Variants in SORBS3 observed in about 807,000 individuals in gnomAD.
The protein encoded by SORBS3 is vinexin.
Under a neutral mutation model 98.0 loss-of-function variants are expected in SORBS3, and 69 were observed. The ratio of observed to expected loss-of-function variants is 0.70; its 90% confidence interval spans 0.58 to 0.86. SORBS3 has a LOEUF of 0.86. Among genes scored for constraint, SORBS3 ranks in the 40% least tolerant of loss-of-function variants. The pLI, the probability that SORBS3 is intolerant of heterozygous loss-of-function variation, is 0.00. For missense variants in SORBS3, 954 were observed against 908.5 expected, an observed-to-expected ratio of 1.05 and a Z score of -0.64; for synonymous variants, 394 against 355.4, an observed-to-expected ratio of 1.11 and a Z score of -1.22.
upstream of SORBS3, among the ~76,000 whole-genome samples, chr8:22,551,510 A>T (rs1032635372): frequency 6.6e-6 from 1 of 151,938 alleles, no homozygotes; most frequent in Non-Finnish European, 1.5e-5. This position sits in a 1 kb window ranked among gnomAD's most constrained non-coding sequence, Gnocchi z 5.8. Flanking sequence ...CACTCTGGAA[A>T]TGTCGCTGGA....
chr8:22,567,937 T>A (rs918908803), intron 16 of SORBS3, among the ~76,000 whole-genome samples: 1 of 150,894 alleles, frequency 6.6e-6, no homozygotes, highest in Non-Finnish European at 1.5e-5. Context: ...AACCTCCACC[T>A]CCCTGGTTCA....
chr8:22,571,308 T>A (rs1213312500), intron 18 of SORBS3, 87 bp downstream of exon 18: 1 of 755,492 alleles, frequency 1.3e-6, no homozygotes, highest in Non-Finnish European at 2.1e-6. Context: ...TTGGGACTCC[T>A]TCCCAGACAG....
intron 5 of SORBS3, among the ~76,000 whole-genome samples, chr8:22,560,077 A>G: frequency 6.6e-6 from 1 of 150,604 alleles, no homozygotes; most frequent in South Asian, 2.1e-4. Flanking sequence ...AAAAAAGAAG[A>G]GAGAGATTTT....
At chr8:22,561,133 C>T (rs947443804) in intron 5 of SORBS3, 2 of 523,338 alleles carry the variant, frequency 3.8e-6, no homozygotes, top group Admixed American at 7.3e-5. Context: ...CTCGCTTAGG[C>T]CCCAAGCCTG....
At position 22,564,493 on chromosome 8, in the gene SORBS3, C is replaced by T. The variant is rs1340777324; in HGVS notation, c.788C>T (p.Pro263Leu). The T allele has an allele frequency of 6.2e-7, 1 of 1,614,122 alleles. No homozygotes were observed. The highest frequency in any genetic ancestry group is 8.5e-7 in the Non-Finnish European group (1 of 1,180,018). The part of the protein sequence containing the change: ...QRPKKPLVDD[P>L]GEKPSQPIEV... ...CCCAAGAAACCGCTGGTGGACGACCCTGGTGAGAAGCCCTCCCAGCCCATT... is the reference window on the plus strand; with the variant it reads ...CCCAAGAAACCGCTGGTGGACGACCTTGGTGAGAAGCCCTCCCAGCCCATT... Residue 263 changes from proline to leucine, a missense_variant, in exon 10 of 21, where the codon CCT becomes CTT. Physicochemically the swap from Pro to Leu is moderately conservative, Grantham distance 98. Transcript: ENST00000240123.
chr8:22,554,945 G>T lies in SORBS3; in HGVS notation c.185G>T (p.Gly62Val). 6.2e-7 allele frequency: 1 copy of T among 1,613,736 alleles called. No individual in the cohort carries two copies. Among genetic ancestry groups the T allele is most frequent in the Non-Finnish European group, 8.5e-7 (1 of 1,179,956 alleles). The change falls in exon 3 of 21, where the codon GGC becomes GTC. Residue 62 changes from glycine (G) to valine (V), a missense_variant. Gly to Val is a moderately radical substitution (Grantham distance 109). Transcript: ENST00000240123. The surrounding 1 kb of genome is among the most constrained non-coding windows in gnomAD (Gnocchi z 6.5). ...GCGCCCAGGACTGTGTGCAATGGGG[G>T]CTACACACCAAGACGAGATGCTTCC... ...DPAPRTVCNG[G>V]YTPRRDASQH...
intron 5 of SORBS3, 139 bp downstream of exon 5, chr8:22,558,331 T>C: frequency 1.3e-6 from 1 of 783,454 alleles, no homozygotes; most frequent in Non-Finnish European, 2.2e-6. Flanking sequence ...TGAGTAGTCC[T>C]GAAAATAGGC....
At chr8:22,548,052 C>A (rs1288750073), upstream of SORBS3, among the ~76,000 whole-genome samples, 2 of 152,178 alleles carry the variant, frequency 1.3e-5, no homozygotes, top group Non-Finnish European at 2.9e-5. Flanking sequence ...TTCCATGCAC[C>A]CATCCTGGCT....
chr8:22,571,822 G>A lies in SORBS3; in HGVS notation c.1847+1G>A, dbSNP rs1013607048. ...ACACCTCTCAGATACACTGGACCCC[G>A]TGAGTACCATCTGAGGGCTCTTGAT... On this transcript the variant is annotated splice_donor_variant, in intron 19 of 20. Transcript: ENST00000240123. LOFTEE classifies it high-confidence loss of function. 1.2e-5 allele frequency: 19 copies of A among 1,601,634 alleles called. No individual in the cohort carries two copies. Among genetic ancestry groups the A allele is most frequent in the African/African-American group, 5.4e-5 (4 of 74,678 alleles).
chr8:22,554,651 G>T lies in SORBS3; in HGVS notation c.102+43G>T. 6.4e-7 allele frequency: 1 copy of T among 1,571,816 alleles called. No individual in the cohort carries two copies. The highest frequency in any genetic ancestry group is 8.6e-7 in the Non-Finnish European group (1 of 1,162,318). On this transcript the variant is annotated intron_variant, in intron 2 of 20. Transcript: ENST00000240123. This position sits in a 1 kb window ranked among gnomAD's most constrained non-coding sequence, Gnocchi z 6.5. Reference sequence around the variant, plus strand: ...GAGGAGGGTGTCCTGCGGGCCCGGAGTTGGTTGGGACGCTAGCAGGTCAGG... The same window carrying T: ...GAGGAGGGTGTCCTGCGGGCCCGGATTTGGTTGGGACGCTAGCAGGTCAGG...
intron 16 of SORBS3, 138 bp downstream of exon 16, chr8:22,567,313 C>G: frequency 1.6e-6 from 1 of 643,366 alleles, no homozygotes; most frequent in Non-Finnish European, 2.7e-6. Flanking sequence ...TCCTTGGCCC[C>G]CACAGGGCTT....
chr8:22,569,264 C>T lies in SORBS3; in HGVS notation c.1422C>T (p.Ser474=). The T allele has an allele frequency of 6.3e-7, 1 of 1,595,418 alleles. No homozygotes were observed. Among genetic ancestry groups the T allele is most frequent in the Non-Finnish European group, 8.5e-7 (1 of 1,170,110 alleles). ...TFKGDLEVEL[S]FRKGEHICLI... is the part of the protein sequence containing the mutation. Reference sequence around the variant, plus strand: ...AGGGGGACCTGGAGGTGGAGCTGTCCTTCCGCAAGGTGGGCCAGGCCGGAG... The same window carrying T: ...AGGGGGACCTGGAGGTGGAGCTGTCTTTCCGCAAGGTGGGCCAGGCCGGAG... Residue 474 remains serine, a synonymous_variant, in exon 17 of 21, where the codon TCC becomes TCT. Transcript: ENST00000240123.
Position 22,569,248 on chromosome 8 carries a change from T to A in SORBS3, c.1406T>A (p.Leu469Gln), listed in dbSNP as rs369397150. 67 of 1,600,412 alleles carry A rather than the reference T, an allele frequency of 4.2e-5. No individual in the cohort carries two copies. In the East Asian group the frequency reaches 1.0e-3, roughly 25 times the overall value. The change falls in exon 17 of 21, where the codon CTG (leucine) becomes CAG (glutamine). Residue 469 changes from leucine to glutamine, a missense_variant. Physicochemically the swap from Leu to Gln is moderately radical, Grantham distance 113 (BLOSUM62 -2). Coordinates refer to ENST00000240123, the MANE Select transcript of SORBS3 (RefSeq NM_005775.5). ...GCCCAGTACACCTTCAAGGGGGACC[T>A]GGAGGTGGAGCTGTCCTTCCGCAAG... ...AVAQYTFKGDLEVELSFRKGE... is the reference protein window; with the variant it reads ...AVAQYTFKGDQEVELSFRKGE...
At chr8:22,551,526 T>C (rs1334809455), upstream of SORBS3, among the ~76,000 whole-genome samples, 5 of 151,828 alleles carry the variant, frequency 3.3e-5, no homozygotes, top group African/African-American at 1.2e-4. The surrounding 1 kb of genome is among the most constrained non-coding windows in gnomAD (Gnocchi z 5.8). Context: ...CTGGAAACTC[T>C]GAGTGGCCCG....
chr8:22,561,913 C>T lies in SORBS3; in HGVS notation c.566C>T (p.Pro189Leu), dbSNP rs752463018. The change falls in exon 7 of 21, where the codon CCG (proline) becomes CTG (leucine). Residue 189 changes from proline (P) to leucine (L), a missense_variant. Physicochemically the swap from Pro to Leu is moderately conservative, Grantham distance 98. Coordinates refer to ENST00000240123, the MANE Select transcript of SORBS3 (RefSeq NM_005775.5). ...CAAAGACCTGCCCACAGGCCCGGCC[C>T]GGCAACATCTTCCAGTGGGTGAGCA... ...AQQRPAHRPG[P>L]ATSSSGRSWD... 1.2e-6 allele frequency: 2 copies of T among 1,614,046 alleles called. No individual in the cohort carries two copies. The highest frequency in any genetic ancestry group is 1.1e-5 in the South Asian group (1 of 91,090).
Position 22,564,287 on chromosome 8 carries a change from T to C in SORBS3, c.680T>C (p.Leu227Pro). The change falls in exon 9 of 21, where the codon CTC becomes CCC. Residue 227 changes from leucine to proline, a missense_variant. Coordinates refer to ENST00000240123, the MANE Select transcript of SORBS3 (RefSeq NM_005775.5). ...CACCCACCCACCTCCACGCAGGTGC[T>C]CAGACGCCGGGAAAAAGTAGACAAT... ...STVLQPSNQV[L>P]RRREKVDNVW... The C allele has an allele frequency of 6.3e-7, 1 of 1,593,916 alleles. No individual in the cohort carries two copies. Among genetic ancestry groups the C allele is most frequent in the South Asian group, 1.1e-5 (1 of 89,236 alleles).
At chr8:22,567,274 G>A (rs1840451027) in intron 16 of SORBS3, 99 bp downstream of exon 16, 1 of 819,562 alleles carries the variant, frequency 1.2e-6, no homozygotes, top group Admixed American at 2.1e-5. Flanking sequence ...GCAAAAAACT[G>A]TGAGGGGCTG....
chr8:22,559,514 A>G (rs770447006), intron 5 of SORBS3, among the ~76,000 whole-genome samples: 1 of 152,166 alleles, frequency 6.6e-6, no homozygotes, highest in Non-Finnish European at 1.5e-5. Context: ...CAGCCTGGGC[A>G]ACATGGTGAA....
At chr8:22,565,706 G>A (rs1006650039) in intron 11 of SORBS3, 120 bp from the exon 12 acceptor site, 354 of 1,230,122 alleles carry the variant, frequency 2.9e-4, no homozygotes, top group Non-Finnish European at 3.3e-4. Context: ...GCGCCTCTAG[G>A]ACCCCGCGTC....
Sources: gnomAD v4.1 joint callset for allele counts (sites outside exome capture counted in the v4.1 genomes callset) on GRCh38, gnomAD v4.1.1 for gene constraint, Gnocchi (gnomAD v3.1) non-coding constraint, MANE v1.5 for transcripts, NCBI Gene and HGNC (gene_info 2026-07-23, HGNC 2026-07-21) for gene names.